Variants in LRP1 observed in about 807,000 individuals in gnomAD.
LRP1 encodes prolow-density lipoprotein receptor-related protein 1.
A neutral mutation model predicts 541.5 loss-of-function variants in LRP1; 51 were observed. The observed-to-expected ratio is 0.09, with a 90% confidence interval of 0.08 to 0.12. The LOEUF (loss-of-function observed/expected upper bound fraction) is 0.12. Ranked by LOEUF, LRP1 falls within the 10% of genes least tolerant of loss-of-function variation. The pLI, the probability that LRP1 is intolerant of heterozygous loss-of-function variation, is 1.00. For missense variants in LRP1, 3,878 were observed against 6,376.2 expected (o/e 0.61, Z 13.34); for synonymous variants, 2,219 against 2,470.8 (o/e 0.90, Z 3.02).
At position 57,197,678 on chromosome 12, in the gene LRP1, C is replaced by T. The variant is rs1592653977; in HGVS notation, c.9282+14C>T. On this transcript the variant is annotated intron_variant, in intron 58 of 88. Transcript: ENST00000243077. The surrounding 1 kb of genome is among the most constrained non-coding windows in gnomAD (Gnocchi z 4.5). Reference sequence around the variant, plus strand: ...AGCAATGTGCAGGTGAGGCGGGCGGCCCTCGGCGACCAACACTGGCCCGCC... The same window carrying T: ...AGCAATGTGCAGGTGAGGCGGGCGGTCCTCGGCGACCAACACTGGCCCGCC... 6.2e-7 allele frequency: 1 copy of T among 1,609,904 alleles called. No individual in the cohort carries two copies. Among genetic ancestry groups the T allele is most frequent in the African/African-American group, 1.3e-5 (1 of 74,730 alleles).
Position 57,180,498 on chromosome 12 carries a change from AG to A in LRP1, c.5386+20del. 6.2e-7 allele frequency: 1 copy of A among 1,613,526 alleles called. No homozygotes were observed. The highest frequency in any genetic ancestry group is 8.5e-7 in the Non-Finnish European group (1 of 1,179,790). On this transcript the variant is annotated intron_variant, in intron 32 of 88. Coordinates refer to ENST00000243077, the MANE Select transcript of LRP1 (RefSeq NM_002332.3). ...ATCATGGGTGAGGGCTGCTGGGCGA[AG>A]CAGAGATGACGCAGAGCAGGCCAGG...
chr12:57,210,898 G>C lies in LRP1; in HGVS notation c.12916+19G>C. 6.2e-7 allele frequency: 1 copy of C among 1,601,408 alleles called. No homozygotes were observed. Among genetic ancestry groups the C allele is most frequent in the South Asian group, 1.1e-5 (1 of 90,618 alleles). On this transcript the variant is annotated intron_variant, in intron 83 of 88. Coordinates refer to ENST00000243077, the MANE Select transcript of LRP1 (RefSeq NM_002332.3). ...CAGTACCGTGAGTGAGCCATCCCTGGGCCCCAGGGCATGCGGGAGGGTGAC... is the reference window on the plus strand; with the variant it reads ...CAGTACCGTGAGTGAGCCATCCCTGCGCCCCAGGGCATGCGGGAGGGTGAC...
chr12:57,190,023 G>A (rs976589958), intron 42 of LRP1, among the ~76,000 whole-genome samples: 15 of 152,184 alleles, frequency 9.9e-5, no homozygotes, highest in African/African-American at 3.6e-4. Context: ...GCATAATTGG[G>A]GGCTGGCTGT....
chr12:57,194,069 T>G, intron 48 of LRP1, 57 bp downstream of exon 48: 1 of 1,483,900 alleles, frequency 6.7e-7, no homozygotes, highest in Non-Finnish European at 9.4e-7. Flanking sequence ...TCACTGCATC[T>G]CCCGCCTTCA....
chr12:57,162,897 G>T lies in LRP1; in HGVS notation c.2444G>T (p.Ser815Ile). 6.2e-7 allele frequency: 1 copy of T among 1,607,802 alleles called. No individual in the cohort carries two copies. The highest frequency in any genetic ancestry group is 8.5e-7 in the Non-Finnish European group (1 of 1,178,208). Residue 815 changes from serine to isoleucine, a missense_variant, in exon 15 of 89, where the codon AGC becomes ATC. Ser to Ile is a moderately radical substitution (Grantham distance 142). Transcript: ENST00000243077. This position sits in a 1 kb window ranked among gnomAD's most constrained non-coding sequence, Gnocchi z 5.2. Reference sequence around the variant, plus strand: ...TGCCGGGTGAACAATGGCGGCTGCAGCAGCCTGTGCTTGGCCACCCCTGGG... The same window carrying T: ...TGCCGGGTGAACAATGGCGGCTGCATCAGCCTGTGCTTGGCCACCCCTGGG... ...NKCRVNNGGC[S>I]SLCLATPGSR...
chr12:57,129,172 C>T lies in LRP1; in HGVS notation c.67+141C>T, dbSNP rs1205015766. ...TCCAGCTGACACAGCAGCGGCCCGA[C>T]TGGGGGCGGGGATGGGGTCCGATTT... On this transcript the variant is annotated intron_variant, in intron 1 of 88. Transcript: ENST00000243077. 213 of 907,240 alleles carry T rather than the reference C, an allele frequency of 2.3e-4. 2 individuals carry two copies. Among genetic ancestry groups the T allele is most frequent in the Non-Finnish European group, 2.0e-5 (12 of 587,874 alleles). 56.2% of individuals were successfully genotyped at this position (907,240 alleles called of 1,614,324 possible). A position where few individuals can be genotyped will look rare whatever the true frequency, so the allele number is the denominator to read the frequency against.
Position 57,200,422 on chromosome 12 carries a change from T to TTCCCCCCCCCCC in LRP1, c.10015-20_10015-19insTCCCCCCCCCCC. ...CCCCCAGACCCCCACCAACCCCTCTTGCCCCCACCTGCCCTCCAGTTTGTA... is the reference window on the plus strand; with the variant it reads ...CCCCCAGACCCCCACCAACCCCTCTTTCCCCCCCCCCCGCCCCCACCTGCCCTCCAGTTTGTA... On this transcript the variant is annotated intron_variant, in intron 62 of 88. Coordinates refer to ENST00000243077, the MANE Select transcript of LRP1 (RefSeq NM_002332.3). 6.9e-7 allele frequency: 1 copy of TTCCCCCCCCCCC among 1,452,694 alleles called. No individual in the cohort carries two copies. The highest frequency in any genetic ancestry group is 1.7e-5 in the Admixed American group (1 of 59,718). 90.0% of individuals were successfully genotyped at this position (1,452,694 alleles called of 1,614,324 possible).
Position 57,166,103 on chromosome 12 carries a change from G to T in LRP1, c.2691G>T (p.Ser897=), listed in dbSNP as rs113085341. ...PALCHQHTCP[S]DRFKCENNRC... ...CCCCAGATCAGCACACCTGCCCCTC[G>T]GACCGATTCAAGTGCGAGAACAACC... Residue 897 remains serine, a synonymous_variant, in exon 17 of 89, where the codon TCG becomes TCT. Coordinates refer to ENST00000243077, the MANE Select transcript of LRP1 (RefSeq NM_002332.3). The T allele has an allele frequency of 6.2e-7, 1 of 1,614,188 alleles. No homozygotes were observed. The highest frequency in any genetic ancestry group is 1.7e-5 in the Admixed American group (1 of 60,030).
intron 79 of LRP1, 145 bp downstream of exon 79, chr12:57,209,344 C>A: frequency 2.9e-6 from 2 of 697,248 alleles, no homozygotes; most frequent in Non-Finnish European, 4.8e-6. Flanking sequence ...GCCTCTCCAG[C>A]TGGCCTCCCC....
At chr12:57,182,122 A>G (rs2036177166) in intron 34 of LRP1, among the ~76,000 whole-genome samples, 1 of 152,094 alleles carries the variant, frequency 6.6e-6, no homozygotes, top group Non-Finnish European at 1.5e-5. Context: ...CTGAGCAACC[A>G]GGGACCATGT....
chr12:57,132,951 C>G (rs1178859771), intron 1 of LRP1, among the ~76,000 whole-genome samples: 1 of 152,196 alleles, frequency 6.6e-6, no homozygotes, highest in East Asian at 1.9e-4. Context: ...TCTCCACTTT[C>G]CTCCGACTTC....
Position 57,154,170 on chromosome 12 carries a change from C to A in LRP1, c.842-38C>A. ...AGGGTGGGCATCTCTGCAAGAGGGCCTACCCCACCCCATGGCTCTTTCATT... is the reference window on the plus strand; with the variant it reads ...AGGGTGGGCATCTCTGCAAGAGGGCATACCCCACCCCATGGCTCTTTCATT... On this transcript the variant is annotated intron_variant, in intron 6 of 88. Coordinates refer to ENST00000243077, the MANE Select transcript of LRP1 (RefSeq NM_002332.3). The surrounding 1 kb of genome is among the most constrained non-coding windows in gnomAD (Gnocchi z 4.6). 6.3e-7 allele frequency: 1 copy of A among 1,589,848 alleles called. No individual in the cohort carries two copies. Among genetic ancestry groups the A allele is most frequent in the South Asian group, 1.1e-5 (1 of 88,416 alleles).
chr12:57,151,160 A>C (rs572538900), intron 6 of LRP1, among the ~76,000 whole-genome samples: 5 of 152,248 alleles, frequency 3.3e-5, no homozygotes, highest in Admixed American at 3.3e-4. Flanking sequence ...GTGTTTGGGA[A>C]AGCAGCCACC....
At chr12:57,172,019 C>T (rs1403105498) in intron 20 of LRP1, among the ~76,000 whole-genome samples, 1 of 151,826 alleles carries the variant, frequency 6.6e-6, no homozygotes, top group Non-Finnish European at 1.5e-5. Flanking sequence ...TCCTGCCCTC[C>T]CCTCCCCCTG....
rs1382306608 is a variant in LRP1, at chr12:57,205,223, G to T, written c.11309G>T (p.Gly3770Val). ...AACATGTTCGATGACTGCGGGGACG[G>T]CTCTGACGAGGAGGACTGCAGCATC... ...RCNMFDDCGDGSDEEDCSIDP... is the reference protein window; with the variant it reads ...RCNMFDDCGDVSDEEDCSIDP... The change falls in exon 73 of 89, where the codon GGC (glycine) becomes GTC (valine). Residue 3770 changes from glycine (G) to valine (V), a missense_variant. By Grantham distance (109) the Gly-to-Val change is moderately radical (BLOSUM62 -3). Coordinates refer to ENST00000243077, the MANE Select transcript of LRP1 (RefSeq NM_002332.3). The surrounding 1 kb of genome is among the most constrained non-coding windows in gnomAD (Gnocchi z 4.6). 6.2e-6 allele frequency: 10 copies of T among 1,613,624 alleles called. No homozygotes were observed. Among genetic ancestry groups the T allele is most frequent in the Non-Finnish European group, 8.5e-6 (10 of 1,179,854 alleles).
chr12:57,166,843 A>G, intron 17 of LRP1, 87 bp from the exon 18 acceptor site: 1 of 746,864 alleles, frequency 1.3e-6, no homozygotes. Context: ...GAAATAAGGG[A>G]CACCAAAGGC....
intron 6 of LRP1, among the ~76,000 whole-genome samples, chr12:57,152,448 A>AG (rs753052561): frequency 1.3e-5 from 2 of 152,100 alleles, no homozygotes; most frequent in Non-Finnish European, 2.9e-5. Context: ...GCTGGCTGCC[A>AG]GGGGATGCAG....
At position 57,179,778 on chromosome 12, in the gene LRP1, C is replaced by G; in HGVS notation, c.4967-4C>G. On this transcript the variant is annotated splice_region_variant and splice_polypyrimidine_tract_variant and intron_variant, in intron 29 of 88. Transcript: ENST00000243077. The surrounding 1 kb of genome is among the most constrained non-coding windows in gnomAD (Gnocchi z 6.8). ...AACAACTGACTCCCTACTTGTGCCCCCAGACTTGCCAAATGCCCACGGGCT... is the reference window on the plus strand; with the variant it reads ...AACAACTGACTCCCTACTTGTGCCCGCAGACTTGCCAAATGCCCACGGGCT... The G allele has an allele frequency of 6.2e-7, 1 of 1,613,420 alleles. No individual in the cohort carries two copies. The highest frequency in any genetic ancestry group is 8.5e-7 in the Non-Finnish European group (1 of 1,179,682).
chr12:57,141,569 C>G (rs1217992879), intron 3 of LRP1, 58 bp downstream of exon 3: 2 of 1,603,508 alleles, frequency 1.2e-6, no homozygotes, highest in African/African-American at 2.7e-5. Context: ...ATCAGCCCAC[C>G]TTCCGAGGAC....
Sources: gnomAD v4.1 joint callset for allele counts (sites outside exome capture counted in the v4.1 genomes callset) on GRCh38, gnomAD v4.1.1 for gene constraint, Gnocchi (gnomAD v3.1) non-coding constraint, MANE v1.5 for transcripts, NCBI Gene and HGNC (gene_info 2026-07-23, HGNC 2026-07-21) for gene names.